The following TTC28 variants were observed in gnomAD, a reference collection of about 807,000 sequenced individuals.
TTC28 encodes tetratricopeptide repeat protein 28.
A neutral mutation model predicts 198.0 loss-of-function variants in TTC28; 61 were observed. The ratio of observed to expected loss-of-function variants is 0.31; its 90% CI spans 0.25 to 0.38. TTC28 has a LOEUF of 0.38. TTC28 is among the 10% of genes least tolerant of loss of function. TTC28 has a pLI of 1.00. For missense variants in TTC28, 2,678 were observed against 3,164.0 expected, an observed-to-expected ratio of 0.85 and a Z score of 3.69; for synonymous variants, 1,171 against 1,297.8, an observed-to-expected ratio of 0.90 and a Z score of 2.10.
Position 28,212,451 on chromosome 22 carries a change from A to T in TTC28, c.934-48852T>A, listed in dbSNP as rs1006884288. ...AAAAAATAATAAAGGGGATATCACC[A>T]CCGATCCCACAGAAATACAAACTAC... On this transcript the variant is annotated intron_variant, in intron 5 of 22. Transcript: ENST00000397906. Among the ~76,000 whole-genome samples the T allele has an allele frequency of 6.6e-5, 9 of 136,268 alleles. 2 individuals carry two copies. The highest frequency in any genetic ancestry group is 1.1e-4 in the Non-Finnish European group (7 of 61,264). The allele number at this position is 136,268 out of a possible 152,430, so 89.4% of individuals were successfully genotyped here.
Position 28,340,513 on chromosome 22 carries a change from A to T in TTC28, c.382-33870T>A, listed in dbSNP as rs373891299. Reference sequence around the variant, plus strand: ...AGAACACCTAATATAAAAATCTTGGATAAGTAATCTGTCACCACCATCCTC... The same window carrying T: ...AGAACACCTAATATAAAAATCTTGGTTAAGTAATCTGTCACCACCATCCTC... On this transcript the variant is annotated intron_variant, in intron 2 of 22. Coordinates refer to ENST00000397906, the MANE Select transcript of TTC28 (RefSeq NM_001145418.2). 7.9e-5 allele frequency among the ~76,000 whole-genome samples: 12 copies of T among 151,978 alleles called. No homozygotes were observed. In the South Asian group the frequency reaches 2.1e-3, roughly 26 times the overall value.
intron 5 of TTC28, among the ~76,000 whole-genome samples, chr22:28,291,870 T>C (rs1343345266): frequency 6.6e-6 from 1 of 152,012 alleles, no homozygotes; most frequent in Non-Finnish European, 1.5e-5. Context: ...CTTAATAAAA[T>C]GAAGAAATGT....
chr22:28,649,894 A>G (rs1279991357), intron 1 of TTC28, among the ~76,000 whole-genome samples: 1 of 152,184 alleles, frequency 6.6e-6, no homozygotes, highest in Non-Finnish European at 1.5e-5. Context: ...TTCAGCTCTT[A>G]TGATAAATAA....
intron 12 of TTC28, among the ~76,000 whole-genome samples, chr22:28,036,083 G>A (rs1254262315): frequency 2.0e-5 from 3 of 152,090 alleles, no homozygotes. Flanking sequence ...ACAGATCAAC[G>A]AGACAGAAGG....
intron 2 of TTC28, among the ~76,000 whole-genome samples, chr22:28,384,527 A>G (rs1569295429): frequency 6.6e-6 from 1 of 152,218 alleles, no homozygotes; most frequent in Non-Finnish European, 1.5e-5. Flanking sequence ...AATTTATTTT[A>G]TTCAGCAACA....
intron 2 of TTC28, among the ~76,000 whole-genome samples, chr22:28,539,296 T>C (rs1163642689): frequency 2.0e-5 from 3 of 152,034 alleles, no homozygotes; most frequent in Admixed American, 6.6e-5. Context: ...ATGTAGAGGT[T>C]GCTAGGAGAT....
At chr22:28,036,187 C>T (rs1432988960) in intron 12 of TTC28, among the ~76,000 whole-genome samples, 1 of 152,142 alleles carries the variant, frequency 6.6e-6, no homozygotes, top group Non-Finnish European at 1.5e-5. Flanking sequence ...ACAGAATGTA[C>T]ATTCTTCTCA....
chr22:28,494,189 G>C (rs893848710), intron 2 of TTC28, among the ~76,000 whole-genome samples: 1 of 152,160 alleles, frequency 6.6e-6, no homozygotes, highest in Admixed American at 6.5e-5. Context: ...AGTGATGTCT[G>C]GGATTGTTTC....
In TTC28 at chr22:28,391,934, T is replaced by C. The variant is rs1384858959; in HGVS notation, c.382-85291A>G. On this transcript the variant is annotated intron_variant, in intron 2 of 22. Coordinates refer to ENST00000397906, the MANE Select transcript of TTC28 (RefSeq NM_001145418.2). Reference sequence around the variant, plus strand: ...AGAGGCGCTCTGCTTTTTAGAGTTTTCAGTTTTTCTGCTCTGTTTTTTCCC... The same window carrying C: ...AGAGGCGCTCTGCTTTTTAGAGTTTCCAGTTTTTCTGCTCTGTTTTTTCCC... 8.5e-5 allele frequency among the ~76,000 whole-genome samples: 13 copies of C among 152,284 alleles called. No homozygotes were observed. In the East Asian group the frequency reaches 1.2e-3, roughly 14 times the overall value.
chr22:28,090,255 T>A (rs1941772727), intron 12 of TTC28, among the ~76,000 whole-genome samples: 1 of 152,068 alleles, frequency 6.6e-6, no homozygotes, highest in Non-Finnish European at 1.5e-5. Context: ...AGTCTCCTTC[T>A]GAGAATTTTT....
intron 5 of TTC28, among the ~76,000 whole-genome samples, chr22:28,233,537 C>T (rs1321278666): frequency 1.3e-5 from 2 of 151,970 alleles, no homozygotes; most frequent in Non-Finnish European, 2.9e-5. Context: ...TAAAAAATAA[C>T]CCAGAGGTTG....
At chr22:28,299,166 A>G (rs1247204233) in intron 3 of TTC28, among the ~76,000 whole-genome samples, 1 of 152,094 alleles carries the variant, frequency 6.6e-6, no homozygotes, top group Non-Finnish European at 1.5e-5. Flanking sequence ...CCCTACAATG[A>G]GATGGCACTT....
At chr22:28,388,019 G>A (rs1320769720) in intron 2 of TTC28, among the ~76,000 whole-genome samples, 2 of 152,124 alleles carry the variant, frequency 1.3e-5, no homozygotes, top group African/African-American at 4.8e-5. Flanking sequence ...ATTGATTTTT[G>A]TATAAGGTGT....
intron 2 of TTC28, among the ~76,000 whole-genome samples, chr22:28,318,621 C>G (rs2045391849): frequency 6.6e-6 from 1 of 152,084 alleles, no homozygotes; most frequent in South Asian, 2.1e-4. Context: ...ACTTGTTCCA[C>G]CTTGCTTAGA....
At chr22:28,598,258 C>A (rs779576480) in intron 2 of TTC28, among the ~76,000 whole-genome samples, 13 of 151,588 alleles carry the variant, frequency 8.6e-5, no homozygotes, top group Non-Finnish European at 1.6e-4. Flanking sequence ...TGCCTGTAAT[C>A]CCAGCACTTT....
rs1339646430 is a variant in TTC28 at position 28,626,084 on chromosome 22, A to G, written c.381+3468T>C. Among the ~76,000 whole-genome samples the G allele has an allele frequency of 3.3e-5, 5 of 152,324 alleles. No homozygotes were observed. In the South Asian group the frequency reaches 6.2e-4, roughly 19 times the overall value. ...AGGCAAAAAACATAAAAATTCTAGA[A>G]GAAAATCTTTGTAACCTTGGCGAAG... On this transcript the variant is annotated intron_variant, in intron 2 of 22. Transcript: ENST00000397906.
chr22:28,457,144 C>G (rs184211585), intron 2 of TTC28, among the ~76,000 whole-genome samples: 1 of 152,200 alleles, frequency 6.6e-6, no homozygotes, highest in Non-Finnish European at 1.5e-5. Context: ...CAGAACACCA[C>G]GGCCCTTGCA....
At chr22:28,337,031 T>C (rs1342605071) in intron 2 of TTC28, among the ~76,000 whole-genome samples, 1 of 152,208 alleles carries the variant, frequency 6.6e-6, no homozygotes, top group Non-Finnish European at 1.5e-5. Flanking sequence ...GAGATTCTGG[T>C]ATGTTGTGTC....
intron 6 of TTC28, among the ~76,000 whole-genome samples, chr22:28,119,034 AAG>A (rs1361492744): frequency 6.6e-6 from 1 of 152,196 alleles, no homozygotes; most frequent in Non-Finnish European, 1.5e-5. Flanking sequence ...TTTGCTGCCT[AAG>A]CTCTGCAATT....
Sources: gnomAD v4.1 joint callset for allele counts (sites outside exome capture counted in the v4.1 genomes callset) on GRCh38, gnomAD v4.1.1 for gene constraint, MANE v1.5 for transcripts, NCBI Gene and HGNC (gene_info 2026-07-23, HGNC 2026-07-21) for gene names.